KSR2: variants seen among roughly 807,000 people sequenced by gnomAD.
KSR2 encodes the protein kinase suppressor of ras 2.
Under a neutral mutation model 107.8 loss-of-function variants are expected in KSR2, and 25 were observed. The observed-to-expected ratio is 0.23, with a 90% confidence interval of 0.17 to 0.32. The LOEUF is 0.32. KSR2 is among the 10% of genes least tolerant of loss of function. The pLI is 1.00. For synonymous variants in KSR2, 480 were observed against 507.0 expected (o/e 0.95, Z 0.71); for missense variants, 887 against 1,268.9 (o/e 0.70, Z 4.57).
rs538740119 is a variant in KSR2, at chr12:117,873,914, C to T, written c.181-13483G>A. On this transcript the variant is annotated intron_variant, in intron 1 of 19. Coordinates refer to ENST00000339824, the MANE Select transcript of KSR2 (RefSeq NM_173598.6). Reference sequence around the variant, plus strand: ...GAAATCAAGAGAGAGCATTTAGATACTTTTATAGCTATTTGATGGAGTAGT... The same window carrying T: ...GAAATCAAGAGAGAGCATTTAGATATTTTTATAGCTATTTGATGGAGTAGT... 1.4e-4 allele frequency among the ~76,000 whole-genome samples: 22 copies of T among 152,286 alleles called. No homozygotes were observed. The South Asian group carries it at 4.4e-3, about 30-fold the overall frequency.
At chr12:117,824,973 A>T (rs1354982882) in intron 3 of KSR2, among the ~76,000 whole-genome samples, 1 of 151,982 alleles carries the variant, frequency 6.6e-6, no homozygotes, top group Non-Finnish European at 1.5e-5. Context: ...TGAGGTCAGG[A>T]GTCTGAGACC....
chr12:117,582,201 G>T, intron 6 of KSR2, 89 bp downstream of exon 6: 2 of 1,089,284 alleles, frequency 1.8e-6, no homozygotes, highest in Non-Finnish European at 2.8e-6. Context: ...CAATAGCCTA[G>T]CCTTCTCTCA....
At chr12:117,787,575 G>A (rs151110119) in intron 3 of KSR2, among the ~76,000 whole-genome samples, 115 of 152,270 alleles carry the variant, frequency 7.6e-4, no homozygotes, top group Non-Finnish European at 1.3e-3. Context: ...AGAAGTTGCA[G>A]TGAGCCGACA....
intron 1 of KSR2, among the ~76,000 whole-genome samples, chr12:117,937,863 G>A (rs1399718131): frequency 2.6e-5 from 4 of 151,208 alleles, no homozygotes; most frequent in East Asian, 1.9e-4. Context: ...CCAGCTACTC[G>A]GGAGGCTGAG....
intron 1 of KSR2, among the ~76,000 whole-genome samples, chr12:117,965,147 C>T (rs60856947): frequency 0.017 from 2,553 of 152,272 alleles, 80 homozygotes; most frequent in African/African-American, 0.058. Flanking sequence ...CCTGGGGAAC[C>T]CTTTATTCCT....
chr12:117,634,826 C>T (rs541448316), intron 5 of KSR2, among the ~76,000 whole-genome samples: 13 of 152,276 alleles, frequency 8.5e-5, no homozygotes, highest in Non-Finnish European at 1.3e-4. Context: ...TATTCATCTT[C>T]CTGGGAAACA....
intron 5 of KSR2, 40 bp from the exon 6 acceptor site, chr12:117,582,399 G>C (rs759190897): frequency 4.5e-5 from 69 of 1,528,452 alleles, no homozygotes; most frequent in Non-Finnish European, 5.6e-5. Context: ...CAGAGGGTCA[G>C]AGACTGGGGT....
intron 4 of KSR2, among the ~76,000 whole-genome samples, chr12:117,689,597 G>C (rs188747740): frequency 6.6e-6 from 1 of 151,938 alleles, no homozygotes; most frequent in Non-Finnish European, 1.5e-5. Context: ...TTGGCCCCGG[G>C]GGGCATGGGT....
At chr12:117,769,194 G>A (rs773981379) in intron 3 of KSR2, among the ~76,000 whole-genome samples, 1 of 151,936 alleles carries the variant, frequency 6.6e-6, no homozygotes, top group South Asian at 2.1e-4. Context: ...AAAAGATTGA[G>A]CACAAAATTC....
At chr12:117,918,167 AG>A (rs1895237380) in intron 1 of KSR2, among the ~76,000 whole-genome samples, 1 of 152,338 alleles carries the variant, frequency 6.6e-6, no homozygotes, top group East Asian at 1.9e-4. Flanking sequence ...GTTGCCTTTC[AG>A]ACTACGTTTA....
At chr12:117,568,221 C>T (rs1478172553) in intron 7 of KSR2, among the ~76,000 whole-genome samples, 1 of 152,150 alleles carries the variant, frequency 6.6e-6, no homozygotes, top group Non-Finnish European at 1.5e-5. Context: ...AAGAAGAAAG[C>T]GACTGTAGAG....
At chr12:117,823,696 T>A (rs773531642) in intron 3 of KSR2, among the ~76,000 whole-genome samples, 3 of 152,138 alleles carry the variant, frequency 2.0e-5, no homozygotes, top group Non-Finnish European at 4.4e-5. Flanking sequence ...AAGATATCAT[T>A]TCCAAAAGGG....
chr12:117,632,218 C>CT (rs544594793), intron 5 of KSR2, among the ~76,000 whole-genome samples: 9,926 of 84,038 alleles, frequency 0.12, 946 homozygotes, highest in African/African-American at 0.15. Flanking sequence ...AGTCCTACTC[C>CT]TTTTTTTTTT....
At chr12:117,956,250 A>AT (rs1896514851) in intron 1 of KSR2, among the ~76,000 whole-genome samples, 2 of 30,954 alleles carry the variant, frequency 6.5e-5, no homozygotes, top group Non-Finnish European at 8.9e-5. Flanking sequence ...ACTCTGTCTC[A>AT]AAAAAAAAAA....
intron 4 of KSR2, among the ~76,000 whole-genome samples, chr12:117,731,258 G>GC (rs1171765241): frequency 1.3e-5 from 2 of 150,846 alleles, no homozygotes; most frequent in Admixed American, 1.3e-4. Context: ...GAAGTGAGGA[G>GC]CCCCTCCTCC....
rs142375093 is a variant in KSR2, at chr12:117,555,555, T to C, written c.1394-262A>G. On this transcript the variant is annotated intron_variant, in intron 8 of 19. Coordinates refer to ENST00000339824, the MANE Select transcript of KSR2 (RefSeq NM_173598.6). ...TCAGGTTTTTTTAAAAGTACCACAA[T>C]TGTTTCTTATTGGCAGACTCAAAAC... Among the ~76,000 whole-genome samples the C allele has an allele frequency of 9.3e-3, 1,417 of 152,360 alleles. 14 individuals are homozygous for C. Among genetic ancestry groups the C allele is most frequent in the Non-Finnish European group, 0.012 (809 of 68,036 alleles).
At chr12:117,541,433 A>C (rs1040392378) in intron 9 of KSR2, among the ~76,000 whole-genome samples, 3 of 152,128 alleles carry the variant, frequency 2.0e-5, no homozygotes, top group African/African-American at 7.2e-5. Context: ...AAAGCTTTTC[A>C]CCTCTTTGGG....
At chr12:117,924,878 C>A (rs1895462591) in intron 1 of KSR2, among the ~76,000 whole-genome samples, 1 of 152,106 alleles carries the variant, frequency 6.6e-6, no homozygotes, top group African/African-American at 2.4e-5. Flanking sequence ...ATGATATTGA[C>A]AAATTAATGT....
At chr12:117,660,206 G>A (rs931959002) in intron 5 of KSR2, among the ~76,000 whole-genome samples, 2 of 152,194 alleles carry the variant, frequency 1.3e-5, no homozygotes, top group Admixed American at 1.3e-4. Flanking sequence ...ATGAGGAGGA[G>A]GTCTGCGTTG....
Sources: gnomAD v4.1 joint callset for allele counts (sites outside exome capture counted in the v4.1 genomes callset) on GRCh38, gnomAD v4.1.1 for gene constraint, MANE v1.5 for transcripts, NCBI Gene and HGNC (gene_info 2026-07-23, HGNC 2026-07-21) for gene names.